ZFHX3: variants seen among roughly 807,000 people sequenced by gnomAD.
ZFHX3 encodes zinc finger homeobox 3, also known as zinc finger homeobox protein 3.
A neutral mutation model predicts 279.1 loss-of-function variants in ZFHX3; 42 were observed. The observed-to-expected ratio is 0.15, with a 90% CI of 0.12 to 0.19. ZFHX3 has a LOEUF of 0.19. Ranked by LOEUF, ZFHX3 falls within the 10% of genes least tolerant of loss-of-function variation. The pLI is 1.00. For synonymous variants in ZFHX3, 2,293 were observed against 1,957.8 expected (o/e 1.17, Z -4.52); for missense variants, 4,981 against 4,754.0 (o/e 1.05, Z -1.40).
rs1210661632 is a variant in ZFHX3 at position 72,787,804 on chromosome 16, C to T, written c.10472G>A (p.Gly3491Asp). 5 of 1,613,260 alleles carry T rather than the reference C, an allele frequency of 3.1e-6. No homozygotes were observed. In the East Asian group the frequency reaches 1.1e-4, roughly 36 times the overall value. Residue 3491 changes from glycine (G) to aspartate (D), a missense_variant, in exon 10 of 10, where the codon GGC becomes GAC. This residue lies in a region of ZFHX3 where 1,034 missense variants were observed against 786.0 expected (regional missense o/e 1.32). Coordinates refer to ENST00000268489, the MANE Select transcript of ZFHX3 (RefSeq NM_006885.4). ...RSHLKSLCFF[G>D]QSVVNLQEMV... ...CTCTTGCAGGTTCACCACAGACTGG[C>T]CGAAGAAGCAGAGGGACTTCAGGTG...
chr16:73,498,710 A>C (rs1342847747), intron 2 of ZFHX3, among the ~76,000 whole-genome samples: 2 of 152,166 alleles, frequency 1.3e-5, no homozygotes, highest in Non-Finnish European at 1.5e-5. Context: ...GTAGCAGAAG[A>C]AGTTGAATTA....
chr16:73,322,146 G>A (rs985260512), intron 3 of ZFHX3, among the ~76,000 whole-genome samples: 2 of 152,204 alleles, frequency 1.3e-5, no homozygotes, highest in Admixed American at 6.5e-5. Context: ...GAGGGAGGAA[G>A]GCTGGGCCCC....
At chr16:73,397,111 GTTAC>G (rs1031875495) in intron 3 of ZFHX3, among the ~76,000 whole-genome samples, 1 of 152,172 alleles carries the variant, frequency 6.6e-6, no homozygotes, top group African/African-American at 2.4e-5. Context: ...CATAGCCTTT[GTTAC>G]TTACATGGAT....
At chr16:73,255,935 G>C (rs1567432150) in intron 5 of ZFHX3, among the ~76,000 whole-genome samples, 1 of 152,100 alleles carries the variant, frequency 6.6e-6, no homozygotes, top group Non-Finnish European at 1.5e-5. Context: ...CTGCCGTCTT[G>C]GTTGCACATA....
chr16:73,277,079 C>G (rs545071433), intron 4 of ZFHX3, among the ~76,000 whole-genome samples: 14 of 152,282 alleles, frequency 9.2e-5, no homozygotes, highest in African/African-American at 3.4e-4. Context: ...AACGTACTGG[C>G]AAGATCCTTA....
chr16:73,108,333 TAAAA>T (rs146021477), intron 7 of ZFHX3, among the ~76,000 whole-genome samples: 1 of 147,296 alleles, frequency 6.8e-6, no homozygotes, highest in Non-Finnish European at 1.5e-5. Context: ...GACCTTACCT[TAAAA>T]AAAAAAGAGA....
chr16:72,929,534 G>C (rs911082111), intron 3 of ZFHX3, among the ~76,000 whole-genome samples: 1 of 152,168 alleles, frequency 6.6e-6, no homozygotes, highest in Non-Finnish European at 1.5e-5. Context: ...GTAGAAATAA[G>C]ACTATTTGGC....
chr16:73,611,753 C>T (rs1597027202), intron 2 of ZFHX3, among the ~76,000 whole-genome samples: 1 of 152,302 alleles, frequency 6.6e-6, no homozygotes, highest in East Asian at 1.9e-4. Context: ...TGTTCTTTAA[C>T]ACTTAAAGCC....
intron 2 of ZFHX3, among the ~76,000 whole-genome samples, chr16:73,518,917 C>T (rs940251951): frequency 2.6e-5 from 4 of 152,134 alleles, no homozygotes; most frequent in East Asian, 1.9e-4. Context: ...AAGAGAGATT[C>T]GTGGCACATA....
intron 5 of ZFHX3, among the ~76,000 whole-genome samples, chr16:73,184,740 G>A (rs575177842): frequency 6.6e-6 from 1 of 152,150 alleles, no homozygotes; most frequent in African/African-American, 2.4e-5. Flanking sequence ...GGAGGCCCAA[G>A]GATTCAATGT....
In ZFHX3 at chr16:73,677,800, C is replaced by CA. The variant is rs1357450087; in HGVS notation, c.-1547+2379dup. On this transcript the variant is annotated intron_variant, in intron 2 of 17. Coordinates refer to the ZFHX3 transcript ENST00000641206. ...CTTCTCCTCCTAAACAAAGATGGCA[C>CA]AAAAAAATAATTATACTAGTATATA... Among the ~76,000 whole-genome samples, 16 of 151,730 alleles carry CA rather than the reference C, an allele frequency of 1.1e-4. No homozygotes were observed. In the East Asian group the frequency reaches 2.9e-3, roughly 28 times the overall value.
At chr16:73,001,830 G>T (rs114449287) in intron 1 of ZFHX3, among the ~76,000 whole-genome samples, 2 of 151,894 alleles carry the variant, frequency 1.3e-5, no homozygotes, top group South Asian at 4.2e-4. Flanking sequence ...AAAAAAAAAG[G>T]GGGGGAAAGA....
At position 73,483,780 on chromosome 16, in the gene ZFHX3, A is replaced by G. The variant is rs1180582288; in HGVS notation, c.-1546-27522T>C. 2.0e-5 allele frequency among the ~76,000 whole-genome samples: 3 copies of G among 152,238 alleles called. No homozygotes were observed. In the East Asian group the frequency reaches 5.8e-4, roughly 29 times the overall value. Reference sequence around the variant, plus strand: ...GTAACCAAATTAGCCTTTGGCAGCCATGGTAATTGGGAGGTGCTGTTCCCA... The same window carrying G: ...GTAACCAAATTAGCCTTTGGCAGCCGTGGTAATTGGGAGGTGCTGTTCCCA... On this transcript the variant is annotated intron_variant, in intron 2 of 17. Coordinates refer to the ZFHX3 transcript ENST00000641206.
chr16:72,883,543 A>C (rs1368260314), intron 4 of ZFHX3, among the ~76,000 whole-genome samples: 1 of 152,204 alleles, frequency 6.6e-6, no homozygotes, highest in Non-Finnish European at 1.5e-5. Context: ...AGCTGTAAGA[A>C]AAATACTTAC....
At chr16:73,084,490 A>G (rs1242625532) in intron 8 of ZFHX3, among the ~76,000 whole-genome samples, 2 of 152,114 alleles carry the variant, frequency 1.3e-5, no homozygotes, top group South Asian at 2.1e-4. Flanking sequence ...CACAGCTACA[A>G]AAATATAAAA....
chr16:73,568,309 A>G (rs979719170), intron 2 of ZFHX3, among the ~76,000 whole-genome samples: 1 of 147,616 alleles, frequency 6.8e-6, no homozygotes, highest in Non-Finnish European at 1.5e-5. Context: ...CAGTTTTAAG[A>G]GTTGGAATAT....
chr16:72,880,141 G>A lies in ZFHX3; in HGVS notation c.3448+9590C>T, dbSNP rs563923402. ...CTGGTGGGCGCTGACAGTTCTGTCC[G>A]AGGCGACTTCCAGGATCTCCATGAC... On this transcript the variant is annotated intron_variant, in intron 4 of 9. Transcript: ENST00000268489. Among the ~76,000 whole-genome samples the A allele has an allele frequency of 5.3e-5, 8 of 152,256 alleles. 1 individual carries two copies. Among genetic ancestry groups the A allele is most frequent in the South Asian group, 2.1e-4 (1 of 4,820 alleles).
intron 5 of ZFHX3, among the ~76,000 whole-genome samples, chr16:73,168,172 C>G (rs1160681366): frequency 1.3e-5 from 2 of 151,818 alleles, no homozygotes; most frequent in East Asian, 1.9e-4. Context: ...TATCACCTGC[C>G]CCATAAATGC....
rs767937367 is a variant in ZFHX3 at position 72,788,087 on chromosome 16, T to C, written c.10189A>G (p.Lys3397Glu). ...GGGGGGACTGGGGTTTGGCTTGCTT[T>C]GGGCTGCTGCTGCTGCACTTTTTGC... is the stretch of plus-strand genomic sequence containing the variant. ...QQQKVQQQQPKASQTPVPPGA... is the reference protein window; with the variant it reads ...QQQKVQQQQPEASQTPVPPGA... Residue 3397 changes from lysine to glutamate, a missense_variant, in exon 10 of 10, where the codon AAA (lysine) becomes GAA (glutamate). Lys to Glu is a moderately conservative substitution (Grantham distance 56, BLOSUM62 1). This residue lies in a region of ZFHX3 where 1,034 missense variants were observed against 786.0 expected (regional missense o/e 1.32). Coordinates refer to ENST00000268489, the MANE Select transcript of ZFHX3 (RefSeq NM_006885.4). The C allele has an allele frequency of 6.2e-7, 1 of 1,612,054 alleles. No individual in the cohort carries two copies. Among genetic ancestry groups the C allele is most frequent in the Non-Finnish European group, 8.5e-7 (1 of 1,179,792 alleles).
Sources: allele counts gnomAD v4.1 joint callset (sites outside exome capture counted in the v4.1 genomes callset), GRCh38; gene constraint gnomAD v4.1.1; regional missense constraint gnomAD v4.1.1; transcripts MANE v1.5; gene names NCBI Gene and HGNC (gene_info 2026-07-23, HGNC 2026-07-21).